DOCK8: variants seen among roughly 807,000 people sequenced by gnomAD.
DOCK8 encodes the protein dedicator of cytokinesis protein 8.
In DOCK8, 141 loss-of-function variants were observed where a neutral mutation model predicts 245.6. The ratio of observed to expected loss-of-function variants is 0.57; its 90% CI spans 0.50 to 0.66. The LOEUF (loss-of-function observed/expected upper bound fraction) is 0.66, where lower values mean the gene tolerates loss of function less well. Among genes scored for constraint, DOCK8 ranks in the 30% least tolerant of loss-of-function variants. The pLI is 0.00. For synonymous variants in DOCK8, 1,168 were observed against 970.2 expected (o/e 1.20, Z -3.79); for missense variants, 2,965 against 2,603.4 (o/e 1.14, Z -3.02).
At chr9:339,846 G>C (rs2051494695) in intron 13 of DOCK8, among the ~76,000 whole-genome samples, 2 of 152,112 alleles carry the variant, frequency 1.3e-5, no homozygotes, top group South Asian at 4.1e-4. Flanking sequence ...AATTTTTACT[G>C]CTAGCAATGC....
Position 340,214 on chromosome 9 carries a change from T to G in DOCK8, c.1572T>G (p.Thr524=), listed in dbSNP as rs377541012. Reference sequence around the variant, plus strand: ...CAGAGATCATCAATTGCTGTCTGACTCCTGAAATGCTGCCCGTGAAACCCT... The same window carrying G: ...CAGAGATCATCAATTGCTGTCTGACGCCTGAAATGCTGCCCGTGAAACCCT... ...TAPEIINCCL[T]PEMLPVKPFP... is the part of the protein sequence containing the mutation. The change falls in exon 14 of 48, where the codon ACT becomes ACG. Residue 524 remains threonine, a synonymous_variant. Transcript: ENST00000432829. The G allele has an allele frequency of 3.1e-6, 5 of 1,614,038 alleles. No individual in the cohort carries two copies. The African/African-American group carries it at 6.7e-5, about 22-fold the overall frequency.
intron 14 of DOCK8, among the ~76,000 whole-genome samples, chr9:353,452 A>G (rs2052273163): frequency 6.6e-6 from 1 of 152,226 alleles, no homozygotes; most frequent in Non-Finnish European, 1.5e-5. Context: ...TTAAATGGGT[A>G]GAGAACTAAT....
At chr9:453,160 G>A (rs549978674) in intron 46 of DOCK8, among the ~76,000 whole-genome samples, 4 of 152,200 alleles carry the variant, frequency 2.6e-5, no homozygotes, top group Non-Finnish European at 2.9e-5. Context: ...CGAGAGGTCC[G>A]CAATTTTGCT....
At chr9:314,562 G>A (rs1320986783) in intron 6 of DOCK8, 2 of 152,202 alleles carry the variant, frequency 1.3e-5, no homozygotes, top group Admixed American at 6.5e-5. Flanking sequence ...GCCTAATGGG[G>A]CCTGCTTTTA....
chr9:400,091 CCAT>C (rs1215623588), intron 26 of DOCK8, among the ~76,000 whole-genome samples: 25 of 102,976 alleles, frequency 2.4e-4, no homozygotes, highest in African/African-American at 4.9e-4. Context: ...ACCACCTCCA[CCAT>C]CACCACCACC....
chr9:268,927 A>G (rs1224297098), intron 1 of DOCK8, among the ~76,000 whole-genome samples: 6 of 152,334 alleles, frequency 3.9e-5, no homozygotes, highest in East Asian at 1.9e-4. Flanking sequence ...TGACTGTCCA[A>G]CTTATAATTA....
chr9:212,732 T>C (rs910683617), upstream of DOCK8: 1 of 152,222 alleles, frequency 6.6e-6, no homozygotes, highest in Non-Finnish European at 1.5e-5. Flanking sequence ...ACTAAATCTA[T>C]TGCAGTATGA....
At chr9:361,280 CTG>C (rs2052716414) in intron 14 of DOCK8, among the ~76,000 whole-genome samples, 1 of 152,128 alleles carries the variant, frequency 6.6e-6, no homozygotes, top group Non-Finnish European at 1.5e-5. Flanking sequence ...AAGACACAGA[CTG>C]AGAGAAATGG....
At chr9:215,109 G>T (rs2046713175) in intron 1 of DOCK8, 80 bp downstream of exon 1, 4 of 1,503,068 alleles carry the variant, frequency 2.7e-6, no homozygotes, top group African/African-American at 1.5e-5. Context: ...TGCAGGGGCC[G>T]AGGCCGGACG....
At chr9:454,230 C>CT (rs1237216185) in intron 46 of DOCK8, 1 of 152,190 alleles carries the variant, frequency 6.6e-6, no homozygotes, top group African/African-American at 2.4e-5. Flanking sequence ...CAAGGTATCA[C>CT]TTTCAGCTGC....
chr9:282,911 T>C (rs771869985), intron 2 of DOCK8, among the ~76,000 whole-genome samples: 1 of 152,226 alleles, frequency 6.6e-6, no homozygotes, highest in Admixed American at 6.5e-5. Flanking sequence ...ATTGATATTC[T>C]TCACAATAAG....
intron 1 of DOCK8, among the ~76,000 whole-genome samples, chr9:243,558 C>A (rs1224287905): frequency 1.3e-5 from 2 of 152,152 alleles, no homozygotes; most frequent in Non-Finnish European, 2.9e-5. Context: ...CCGTGACAGT[C>A]CAATATTTAC....
At chr9:217,052 A>T (rs926484341) in intron 1 of DOCK8, among the ~76,000 whole-genome samples, 2 of 152,168 alleles carry the variant, frequency 1.3e-5, no homozygotes, top group Non-Finnish European at 2.9e-5. Flanking sequence ...GATTAAATGA[A>T]TAATAGGTAC....
chr9:313,646 T>G (rs1162091764), intron 6 of DOCK8, among the ~76,000 whole-genome samples: 1 of 152,170 alleles, frequency 6.6e-6, no homozygotes, highest in Non-Finnish European at 1.5e-5. Context: ...GGCCACAAAG[T>G]CTCAGGCGGG....
intron 14 of DOCK8, among the ~76,000 whole-genome samples, chr9:355,215 T>G (rs1039783820): frequency 1.4e-5 from 2 of 143,946 alleles, no homozygotes; most frequent in Non-Finnish European, 3.1e-5. Context: ...TTTTTTTTTT[T>G]TTTTTTTGAG....
intron 39 of DOCK8, among the ~76,000 whole-genome samples, chr9:437,958 C>G (rs888825412): frequency 7.2e-5 from 11 of 152,206 alleles, no homozygotes; most frequent in Non-Finnish European, 1.6e-4. Context: ...TGCATACATT[C>G]TAATAGTATT....
intron 3 of DOCK8, among the ~76,000 whole-genome samples, chr9:287,778 C>A (rs919436285): frequency 2.0e-5 from 3 of 152,164 alleles, no homozygotes; most frequent in African/African-American, 4.8e-5. Flanking sequence ...TAAGTTAACA[C>A]CTACTATTTC....
intron 26 of DOCK8, among the ~76,000 whole-genome samples, chr9:400,174 A>G (rs1308841147): frequency 6.3e-5 from 7 of 110,828 alleles, no homozygotes; most frequent in Admixed American, 1.8e-4. Flanking sequence ...CACCTCCACC[A>G]TCACCACCTC....
Position 465,014 on chromosome 9 carries a change from C to T in DOCK8, c.*795C>T, listed in dbSNP as rs2057927022. The T allele has an allele frequency of 6.6e-6, 1 of 152,442 alleles. No individual in the cohort carries two copies. The highest frequency in any genetic ancestry group is 2.4e-5 in the African/African-American group (1 of 41,412). The allele number at this position is 152,442 out of a possible 1,614,324, so 9.4% of individuals were successfully genotyped here. ...TCACTCTTGTGTACTATCTATTTTT[C>T]TCCTCTCTGGGACCAAGTTTCTTTT... is the stretch of plus-strand genomic sequence containing the variant. On this transcript the variant is annotated 3_prime_UTR_variant, in exon 48 of 48. Coordinates refer to ENST00000432829, the MANE Select transcript of DOCK8 (RefSeq NM_203447.4).
Sources: gnomAD v4.1 joint callset for allele counts (sites outside exome capture counted in the v4.1 genomes callset) on GRCh38, gnomAD v4.1.1 for gene constraint, MANE v1.5 for transcripts, NCBI Gene and HGNC (gene_info 2026-07-23, HGNC 2026-07-21) for gene names.